Variants in PPP4R3A observed in about 807,000 individuals in gnomAD.
The protein encoded by PPP4R3A is protein phosphatase 4 regulatory subunit 3A.
PPP4R3A carries 15 observed loss-of-function variants against 91.7 expected under a neutral mutation model. The ratio of observed to expected loss-of-function variants is 0.16; its 90% confidence interval spans 0.11 to 0.25. The LOEUF is 0.25. PPP4R3A is among the 10% of genes least tolerant of loss of function. The pLI is 1.00. For missense variants in PPP4R3A, 623 were observed against 998.4 expected (o/e 0.62, Z 5.07); for synonymous variants, 377 against 348.7 (o/e 1.08, Z -0.91).
intron 1 of PPP4R3A, among the ~76,000 whole-genome samples, chr14:91,505,928 GTAGA>G (rs1013022563): frequency 6.6e-6 from 1 of 151,454 alleles, no homozygotes; most frequent in Non-Finnish European, 1.5e-5. Context: ...TGTAAAGCTT[GTAGA>G]TAAACTATAA....
chr14:91,461,300 C>T, intron 14 of PPP4R3A, 81 bp downstream of exon 14: 4 of 1,334,426 alleles, frequency 3.0e-6, no homozygotes, highest in South Asian at 2.6e-5. Flanking sequence ...TGGCAGTAAC[C>T]AAAGGGAATC....
At chr14:91,509,350 G>A (rs1479915546) in intron 1 of PPP4R3A, among the ~76,000 whole-genome samples, 156 bp downstream of exon 1, 2 of 152,230 alleles carry the variant, frequency 1.3e-5, no homozygotes, top group South Asian at 2.1e-4. Context: ...GCTCCCGCAA[G>A]ACTGGGGTAC....
At chr14:91,507,395 G>GAGTATATA in intron 1 of PPP4R3A, among the ~76,000 whole-genome samples, 1 of 71,452 alleles carries the variant, frequency 1.4e-5, no homozygotes, top group South Asian at 3.9e-4. Context: ...TATAGTATAT[G>GAGTATATA]TACTATAATT....
intron 1 of PPP4R3A, among the ~76,000 whole-genome samples, chr14:91,498,279 A>G (rs776851529): frequency 7.9e-5 from 12 of 151,924 alleles, no homozygotes; most frequent in South Asian, 2.1e-4. Context: ...AGGTTGCAGT[A>G]AGCCAAGATT....
At chr14:91,466,940 A>AACATACACACACAC (rs1555434431) in intron 10 of PPP4R3A, among the ~76,000 whole-genome samples, 2 of 147,472 alleles carry the variant, frequency 1.4e-5, no homozygotes, top group Non-Finnish European at 3.0e-5. Context: ...GTCCTACCAT[A>AACATACACACACAC]ACACACACAC....
At chr14:91,490,146 G>C (rs368893238) in intron 2 of PPP4R3A, among the ~76,000 whole-genome samples, 1 of 152,158 alleles carries the variant, frequency 6.6e-6, no homozygotes, top group African/African-American at 2.4e-5. Flanking sequence ...TGAAGCGCAC[G>C]CGCGTGTGTA....
intron 6 of PPP4R3A, 67 bp downstream of exon 6, chr14:91,476,341 T>C: frequency 9.1e-7 from 1 of 1,104,298 alleles, no homozygotes; most frequent in East Asian, 2.4e-5. Context: ...TATTTGCATG[T>C]AGCATTAAAA....
chr14:91,496,777 G>C (rs1890598529), intron 1 of PPP4R3A, among the ~76,000 whole-genome samples: 1 of 152,132 alleles, frequency 6.6e-6, no homozygotes, highest in East Asian at 1.9e-4. Context: ...ATAGAGGCTA[G>C]AACACCGGAA....
intron 3 of PPP4R3A, among the ~76,000 whole-genome samples, chr14:91,483,947 T>G (rs796864013): frequency 9.2e-5 from 14 of 152,308 alleles, no homozygotes; most frequent in African/African-American, 3.4e-4. Context: ...CACATTGGCA[T>G]AAAGGAAGAC....
In PPP4R3A at chr14:91,509,785, G is replaced by A. The variant is rs974664480; in HGVS notation, c.-138C>T. The A allele has an allele frequency of 2.4e-6, 3 of 1,254,418 alleles. No individual in the cohort carries two copies. Among genetic ancestry groups the A allele is most frequent in the East Asian group, 3.5e-5 (1 of 28,446 alleles). The allele number at this position is 1,254,418 out of a possible 1,614,324, so 77.7% of individuals were successfully genotyped here. A position where few individuals can be genotyped will look rare whatever the true frequency, so the allele number is the denominator to read the frequency against. On this transcript the variant is annotated 5_prime_UTR_variant, in exon 1 of 15. Coordinates refer to ENST00000554943, the MANE Select transcript of PPP4R3A (RefSeq NM_001366432.2). ...CTCACTGCCGCCGCTGGGCGCCGCG[G>A]GGCCGCGCCGCCGCCTGCATGGCCC...
chr14:91,508,595 A>C (rs1891557677), intron 1 of PPP4R3A, among the ~76,000 whole-genome samples: 2 of 152,244 alleles, frequency 1.3e-5, no homozygotes, highest in Admixed American at 1.3e-4. Context: ...GTATATCGCC[A>C]AAAACAGTGG....
At chr14:91,509,415 C>T (rs1891632397) in intron 1 of PPP4R3A, 91 bp downstream of exon 1, 4 of 1,512,730 alleles carry the variant, frequency 2.6e-6, no homozygotes, top group Non-Finnish European at 3.5e-6. Context: ...CCTCTGTTCT[C>T]GTGGAGCGAG....
At chr14:91,498,869 G>A (rs952339737) in intron 1 of PPP4R3A, among the ~76,000 whole-genome samples, 34 of 143,128 alleles carry the variant, frequency 2.4e-4, no homozygotes, top group Non-Finnish European at 2.7e-4. Flanking sequence ...AGCCGAGATG[G>A]CACCACTGCA....
rs748479666 is a variant in PPP4R3A at position 91,481,702 on chromosome 14, C to T, written c.789G>A (p.Gln263=). Residue 263 remains glutamine (Q), a synonymous_variant, in exon 4 of 15, where the codon CAG becomes CAA. Transcript: ENST00000554943. ...CTTGTATATACTGAACTCTGTATGT[C>T]TGATGAATTTTTTGTTTCAGCTCAG... is the stretch of plus-strand genomic sequence containing the variant. The part of the protein sequence containing the change: ...SDPELKQKIH[Q]TYRVQYIQDM... 1 of 1,614,008 alleles carries T rather than the reference C, an allele frequency of 6.2e-7. No homozygotes were observed. Among genetic ancestry groups the T allele is most frequent in the Non-Finnish European group, 8.5e-7 (1 of 1,179,992 alleles).
At chr14:91,494,027 G>A (rs888339162) in intron 1 of PPP4R3A, among the ~76,000 whole-genome samples, 3 of 144,096 alleles carry the variant, frequency 2.1e-5, no homozygotes, top group Non-Finnish European at 4.4e-5. Flanking sequence ...GCAGGCAGGT[G>A]GGTCACTTGA....
rs549367842 is a variant in PPP4R3A, at chr14:91,498,140, G to T, written c.143-7338C>A. On this transcript the variant is annotated intron_variant, in intron 1 of 14. Coordinates refer to ENST00000554943, the MANE Select transcript of PPP4R3A (RefSeq NM_001366432.2). ...ACTTGATGTCAGGAATTCGAGATCA[G>T]CCTGGCCAACATGGTGAAACCCCGT... Among the ~76,000 whole-genome samples, 20 of 152,252 alleles carry T rather than the reference G, an allele frequency of 1.3e-4. No homozygotes were observed. The South Asian group carries it at 3.9e-3, about 30-fold the overall frequency.
Position 91,462,171 on chromosome 14 carries a change from A to C in PPP4R3A, c.2042T>G (p.Met681Arg). The C allele has an allele frequency of 6.2e-7, 1 of 1,608,798 alleles. No homozygotes were observed. Among genetic ancestry groups the C allele is most frequent in the Non-Finnish European group, 8.5e-7 (1 of 1,178,296 alleles). Residue 681 changes from methionine to arginine, a missense_variant, in exon 13 of 15, where the codon ATG (methionine) becomes AGG (arginine). Physicochemically the swap from Met to Arg is moderately conservative, Grantham distance 91 (BLOSUM62 -1). Transcript: ENST00000554943. ...GTCATCTTCATCTGTGTTAAACCACATCTCTTCTTCATCTTCTAGTGTTCT... is the reference window on the plus strand; with the variant it reads ...GTCATCTTCATCTGTGTTAAACCACCTCTCTTCTTCATCTTCTAGTGTTCT... Reference protein sequence around the residue: ...DARTLEDEEEMWFNTDEDDME... With the variant: ...DARTLEDEEERWFNTDEDDME...
At chr14:91,472,455 A>ATTT (rs1337098016) in intron 9 of PPP4R3A, among the ~76,000 whole-genome samples, 1 of 86,432 alleles carries the variant, frequency 1.2e-5, no homozygotes, top group Non-Finnish European at 2.4e-5. Flanking sequence ...TTTCAGGAAA[A>ATTT]TTGTTTTTTT....
intron 4 of PPP4R3A, among the ~76,000 whole-genome samples, chr14:91,477,802 C>T (rs1889300202): frequency 6.6e-6 from 1 of 152,210 alleles, no homozygotes; most frequent in Admixed American, 6.5e-5. Context: ...GCACACACCA[C>T]TACACCCAGC....
Sources: allele counts gnomAD v4.1 joint callset (sites outside exome capture counted in the v4.1 genomes callset), GRCh38; gene constraint gnomAD v4.1.1; transcripts MANE v1.5; gene names NCBI Gene and HGNC (gene_info 2026-07-23, HGNC 2026-07-21).